KDM4C: variants seen among roughly 807,000 people sequenced by gnomAD.
KDM4C encodes lysine-specific demethylase 4C.
KDM4C carries 81 observed loss-of-function variants against 129.3 expected under a neutral mutation model. That is an observed-to-expected ratio of 0.63 (90% CI 0.52 to 0.75). The LOEUF is 0.75. Among genes scored for constraint, KDM4C ranks in the 30% least tolerant of loss-of-function variants. The probability of loss-of-function intolerance (pLI) is 0.00; values close to 1 mark genes in which losing one functional copy is unlikely to be tolerated. For missense variants in KDM4C, 1,457 were observed against 1,304.0 expected, an observed-to-expected ratio of 1.12 and a Z score of -1.81; for synonymous variants, 573 against 456.1, an observed-to-expected ratio of 1.26 and a Z score of -3.26.
chr9:7,125,872 A>G (rs1360462433), intron 18 of KDM4C, among the ~76,000 whole-genome samples: 1 of 152,176 alleles, frequency 6.6e-6, no homozygotes, highest in Admixed American at 6.5e-5. Context: ...ATCAGAGTTG[A>G]TACCTGAGCT....
At chr9:6,915,594 A>C (rs936258957) in intron 8 of KDM4C, among the ~76,000 whole-genome samples, 2 of 152,198 alleles carry the variant, frequency 1.3e-5, no homozygotes, top group African/African-American at 2.4e-5. Context: ...CCCTTAAGAG[A>C]GATAACAAAA....
At position 6,986,669 on chromosome 9, in the gene KDM4C, A is replaced by T. The variant is rs756263454; in HGVS notation, c.1677+3A>T. ...GAAATAGCTTCAAAGTCCCCAGTGTATGTGGCAATATCCATTTTTTACCAT... is the reference window on the plus strand; with the variant it reads ...GAAATAGCTTCAAAGTCCCCAGTGTTTGTGGCAATATCCATTTTTTACCAT... On this transcript the variant is annotated splice_donor_region_variant and intron_variant, in intron 11 of 21. Transcript: ENST00000381309. The T allele has an allele frequency of 1.9e-6, 3 of 1,585,588 alleles. No homozygotes were observed. The highest frequency in any genetic ancestry group is 1.1e-5 in the South Asian group (1 of 87,850).
intron 1 of KDM4C, among the ~76,000 whole-genome samples, chr9:6,736,036 G>C (rs948119265): frequency 2.6e-5 from 4 of 152,176 alleles, no homozygotes; most frequent in African/African-American, 9.6e-5. Flanking sequence ...TTATGTTTTA[G>C]CAAGGAGACT....
chr9:6,725,545 T>C (rs1817092753), intron 1 of KDM4C, among the ~76,000 whole-genome samples: 1 of 152,154 alleles, frequency 6.6e-6, no homozygotes. Context: ...TGGAGTGCAA[T>C]GGCACGATCT....
intron 15 of KDM4C, among the ~76,000 whole-genome samples, chr9:7,044,208 C>A (rs1025928083): frequency 6.6e-6 from 1 of 151,880 alleles, no homozygotes; most frequent in East Asian, 1.9e-4. Flanking sequence ...GAGGGAGTAA[C>A]ATTTAGGTTG....
At chr9:7,005,298 G>A (rs1236435581) in intron 12 of KDM4C, among the ~76,000 whole-genome samples, 1 of 152,074 alleles carries the variant, frequency 6.6e-6, no homozygotes, top group African/African-American at 2.4e-5. Context: ...AGCCGGGCGT[G>A]GTGGCGCATG....
chr9:7,008,009 G>C (rs1438857222), intron 12 of KDM4C, among the ~76,000 whole-genome samples: 1 of 152,016 alleles, frequency 6.6e-6, no homozygotes, highest in African/African-American at 2.4e-5. Flanking sequence ...AGAGATACAG[G>C]AACCAGATGA....
At position 6,964,401 on chromosome 9, in the gene KDM4C, G is replaced by A. The variant is rs184927983; in HGVS notation, c.922-16524G>A. Among the ~76,000 whole-genome samples, 56 of 151,916 alleles carry A rather than the reference G, an allele frequency of 3.7e-4. 1 individual carries two copies. The East Asian group carries it at 8.2e-3, about 22-fold the overall frequency. ...GATGGTTTCCAGCTTCATCCGTGTC[G>A]CTACAAAGGACATGAACTCATCCTT... is the stretch of plus-strand genomic sequence containing the variant. On this transcript the variant is annotated intron_variant, in intron 8 of 21. Coordinates refer to ENST00000381309, the MANE Select transcript of KDM4C (RefSeq NM_015061.6).
chr9:6,972,721 T>A (rs548493302), intron 8 of KDM4C, among the ~76,000 whole-genome samples: 1 of 152,212 alleles, frequency 6.6e-6, no homozygotes, highest in Non-Finnish European at 1.5e-5. Context: ...GGGAGTTAGT[T>A]CTGCGTGTTG....
Position 6,817,379 on chromosome 9 carries a change from G to GT in KDM4C, c.435+2640dup, listed in dbSNP as rs202151891. Among the ~76,000 whole-genome samples, 1,241 of 151,832 alleles carry GT rather than the reference G, an allele frequency of 8.2e-3. 8 individuals are homozygous for GT. The highest frequency in any genetic ancestry group is 0.014 in the Middle Eastern group (4 of 294). On this transcript the variant is annotated intron_variant, in intron 4 of 21. Transcript: ENST00000381309. ...ACCATGCCTAGCTAATTTTTAAAAT[G>GT]TTTTTTGTAAAGACAGGGTCTTCCT...
intron 17 of KDM4C, among the ~76,000 whole-genome samples, chr9:7,060,115 A>T (rs997905772): frequency 1.1e-4 from 16 of 151,780 alleles, no homozygotes; most frequent in African/African-American, 3.9e-4. Context: ...TATTTATGAT[A>T]TCCTGTAACT....
At chr9:7,164,678 A>G (rs1323124659) in intron 19 of KDM4C, among the ~76,000 whole-genome samples, 1 of 152,052 alleles carries the variant, frequency 6.6e-6, no homozygotes, top group Non-Finnish European at 1.5e-5. Flanking sequence ...ATCGCACGCC[A>G]TTTGTCCCCT....
chr9:6,772,329 A>T (rs1785999605), intron 1 of KDM4C, among the ~76,000 whole-genome samples: 1 of 148,230 alleles, frequency 6.7e-6, no homozygotes, highest in Non-Finnish European at 1.5e-5. Flanking sequence ...TTTGTATTTT[A>T]GTAGAGACGG....
chr9:6,874,303 A>G (rs1008904842), intron 5 of KDM4C, among the ~76,000 whole-genome samples: 7 of 152,252 alleles, frequency 4.6e-5, no homozygotes, highest in Non-Finnish European at 8.8e-5. Flanking sequence ...CCATAGTACT[A>G]TGTTAAACAA....
chr9:7,077,210 C>T, intron 17 of KDM4C: 1 of 985,324 alleles, frequency 1.0e-6, no homozygotes, highest in Non-Finnish European at 1.2e-6. Context: ...AGGTCATTGG[C>T]ATTCAAGATG....
intron 17 of KDM4C, among the ~76,000 whole-genome samples, chr9:7,087,521 T>A (rs1211807305): frequency 7.2e-5 from 11 of 152,158 alleles, no homozygotes; most frequent in African/African-American, 2.7e-4. Flanking sequence ...CTTAGAGTCT[T>A]GTCATAGGAA....
At position 6,856,539 on chromosome 9, in the gene KDM4C, CGTGTGT is replaced by C. The variant is rs201267627; in HGVS notation, c.629+6876_629+6881del. On this transcript the variant is annotated intron_variant, in intron 5 of 21. Transcript: ENST00000381309. Reference sequence around the variant, plus strand: ...TTTTAGGCATATCTCTCTCTGTGTGCGTGTGTGTGTGTGTGTGTGTGTGTGTGTGTG... The same window carrying C: ...TTTTAGGCATATCTCTCTCTGTGTGCGTGTGTGTGTGTGTGTGTGTGTGTG... Among the ~76,000 whole-genome samples the C allele has an allele frequency of 7.7e-3, 1,009 of 131,576 alleles. 13 individuals carry two copies. Among genetic ancestry groups the C allele is most frequent in the African/African-American group, 0.025 (853 of 34,360 alleles). The allele number at this position is 131,576 out of a possible 152,430, so 86.3% of individuals were successfully genotyped here. A position where few individuals can be genotyped will look rare whatever the true frequency, so the allele number is the denominator to read the frequency against.
intron 1 of KDM4C, among the ~76,000 whole-genome samples, chr9:6,785,339 C>CT (rs1825248133): frequency 7.6e-6 from 1 of 131,540 alleles, no homozygotes; most frequent in African/African-American, 2.9e-5. Flanking sequence ...TCTCCTCTTC[C>CT]TCTTTTTTTT....
At chr9:6,723,336 C>G (rs1356726367) in intron 1 of KDM4C, among the ~76,000 whole-genome samples, 2 of 152,000 alleles carry the variant, frequency 1.3e-5, no homozygotes, top group African/African-American at 4.8e-5. Flanking sequence ...GGTCACGCCA[C>G]TGCACTCCAG....
Sources: allele counts gnomAD v4.1 joint callset (sites outside exome capture counted in the v4.1 genomes callset), GRCh38; gene constraint gnomAD v4.1.1; transcripts MANE v1.5; gene names NCBI Gene and HGNC (gene_info 2026-07-23, HGNC 2026-07-21).